Variants in NF1 observed in about 807,000 individuals in gnomAD.
The protein encoded by NF1 is neurofibromin.
NF1 carries 122 observed loss-of-function variants against 325.7 expected under a neutral mutation model. That is an observed-to-expected ratio of 0.37 (90% confidence interval 0.32 to 0.44). NF1 has a LOEUF of 0.44. Ranked by LOEUF, NF1 falls within the 20% of genes least tolerant of loss-of-function variation. NF1 has a pLI of 1.00. For missense variants in NF1, 2,140 were observed against 3,415.4 expected (o/e 0.63, Z 9.31); for synonymous variants, 1,091 against 1,186.0 (o/e 0.92, Z 1.65).
chr17:31,283,008 A>G (rs1410053418), intron 36 of NF1, among the ~76,000 whole-genome samples: 1 of 152,204 alleles, frequency 6.6e-6, no homozygotes, highest in African/African-American at 2.4e-5. Flanking sequence ...TTTAACAATG[A>G]CCATCTTGGA....
intron 30 of NF1, among the ~76,000 whole-genome samples, chr17:31,249,606 A>G (rs1024102826): frequency 2.6e-5 from 4 of 152,340 alleles, no homozygotes; most frequent in East Asian, 1.9e-4. Flanking sequence ...TACTTTATGT[A>G]GCATATTTCT....
At chr17:31,319,218 A>G (rs989319087) in intron 36 of NF1, among the ~76,000 whole-genome samples, 2 of 152,228 alleles carry the variant, frequency 1.3e-5, no homozygotes, top group African/African-American at 4.8e-5. Flanking sequence ...TTTAATTTCT[A>G]TTAACACTTT....
rs750256395 is a variant in NF1 at position 31,356,912 on chromosome 17, A to G, written c.7739-48A>G. 5.0e-6 allele frequency: 8 copies of G among 1,610,698 alleles called. No homozygotes were observed. The Admixed American group carries it at 8.3e-5, about 17-fold the overall frequency. ...AAGTAACATTGAAATAGTTAGGTGA[A>G]GTGATTATCCAGGTGTTTGATCACG... is the stretch of plus-strand genomic sequence containing the variant. On this transcript the variant is annotated intron_variant, in intron 52 of 57. Transcript: ENST00000358273.
At position 31,377,522 on chromosome 17, in the gene NF1, A is replaced by G. The variant is rs1597885275; in HGVS notation, c.*3367A>G. 1 of 232,856 alleles carries G rather than the reference A, an allele frequency of 4.3e-6. No homozygotes were observed. Among genetic ancestry groups the G allele is most frequent in the Non-Finnish European group, 8.5e-6 (1 of 117,602 alleles). The allele number at this position is 232,856 out of a possible 1,614,324, so 14.4% of individuals were successfully genotyped here. ...GTAAACAGTTGTACGCCAGCAGGAA[A>G]AATACTGCCCAACAGACAAAATCGA... On this transcript the variant is annotated 3_prime_UTR_variant, in exon 58 of 58. Coordinates refer to ENST00000358273, the MANE Select transcript of NF1 (RefSeq NM_001042492.3).
rs754165411 is a variant in NF1 at position 31,181,695 on chromosome 17, G to C, written c.655-15G>C. 6.3e-7 allele frequency: 1 copy of C among 1,578,920 alleles called. No individual in the cohort carries two copies. The highest frequency in any genetic ancestry group is 2.2e-5 in the East Asian group (1 of 44,622). ...CAAAAAATCACTGTAAAGACATGTG[G>C]TTCTTTATTTATAGGCATTTTGGAA... On this transcript the variant is annotated splice_polypyrimidine_tract_variant and intron_variant, in intron 6 of 57. Transcript: ENST00000358273.
chr17:31,197,474 T>G (rs2066455368), intron 8 of NF1, among the ~76,000 whole-genome samples: 1 of 152,062 alleles, frequency 6.6e-6, no homozygotes, highest in Non-Finnish European at 1.5e-5. Context: ...TCCATTTATT[T>G]ATGTTTAATT....
At position 31,271,372 on chromosome 17, in the gene NF1, T is replaced by TC. The variant is rs149986242; in HGVS notation, c.4835+6034dup. ...AAATGACATATTACTATTAACACAT[T>TC]CATGAAATATGTTAATACAGATGAA... On this transcript the variant is annotated intron_variant, in intron 36 of 57. Coordinates refer to ENST00000358273, the MANE Select transcript of NF1 (RefSeq NM_001042492.3). 6.6e-5 allele frequency among the ~76,000 whole-genome samples: 10 copies of TC among 151,838 alleles called. No homozygotes were observed. The East Asian group carries it at 7.7e-4, about 12-fold the overall frequency.
At chr17:31,346,134 G>T in intron 48 of NF1, 1 of 1,611,162 alleles carries the variant, frequency 6.2e-7, no homozygotes, top group Non-Finnish European at 8.5e-7. Flanking sequence ...CTGGCCCTAC[G>T]TTTACACACT....
chr17:31,233,537 C>T lies in NF1; in HGVS notation c.3708+324C>T, dbSNP rs117897075. Among the ~76,000 whole-genome samples the T allele has an allele frequency of 8.5e-4, 129 of 152,260 alleles. 3 individuals are homozygous for T. The East Asian group carries it at 0.023, about 27-fold the overall frequency. ...GTTGTTGCAATGCTGGAATTGGAAT[C>T]CACGATTTGTGCCTGTTTACTACCT... On this transcript the variant is annotated intron_variant, in intron 27 of 57. Transcript: ENST00000358273.
chr17:31,258,558 G>C (rs1230054307), intron 32 of NF1, 56 bp downstream of exon 32: 4 of 1,573,608 alleles, frequency 2.5e-6, no homozygotes, highest in East Asian at 4.5e-5. Context: ...TAAATTTTCA[G>C]CTTTTCTTAC....
At chr17:31,126,502 A>G (rs756952253) in intron 1 of NF1, among the ~76,000 whole-genome samples, 3 of 152,128 alleles carry the variant, frequency 2.0e-5, no homozygotes, top group Admixed American at 6.5e-5. Context: ...CTAAAGTGCA[A>G]TGGTGCAATC....
rs1419755895 is a variant in NF1 at position 31,197,325 on chromosome 17, C to T, written c.889-3097C>T. On this transcript the variant is annotated intron_variant, in intron 8 of 57. Coordinates refer to ENST00000358273, the MANE Select transcript of NF1 (RefSeq NM_001042492.3). The stretch of plus-strand genomic sequence containing the variant: ...CCTCCCAAAGTGCTGGGATTACAGG[C>T]GTGAGCCACCGCGCCTGGCTTTTTT... Among the ~76,000 whole-genome samples the T allele has an allele frequency of 3.5e-5, 5 of 143,814 alleles. No homozygotes were observed. The East Asian group carries it at 8.4e-4, about 24-fold the overall frequency. The allele number at this position is 143,814 out of a possible 152,430, so 94.3% of individuals were successfully genotyped here. A position where few individuals can be genotyped will look rare whatever the true frequency, so the allele number is the denominator to read the frequency against.
At chr17:31,363,460 CAG>C (rs2070443653) in intron 57 of NF1, among the ~76,000 whole-genome samples, 1 of 124,150 alleles carries the variant, frequency 8.1e-6, no homozygotes, top group South Asian at 2.7e-4. Flanking sequence ...TTTTTTGAGA[CAG>C]AGTCTCGCTC....
At chr17:31,221,143 T>C (rs757344050) in intron 14 of NF1, among the ~76,000 whole-genome samples, 5 of 151,938 alleles carry the variant, frequency 3.3e-5, no homozygotes, top group Non-Finnish European at 7.4e-5. Context: ...AGAATTGGAG[T>C]TGAGATAAGA....
rs1027992923 is a variant in NF1 at position 31,118,402 on chromosome 17, G to A, written c.60+23033G>A. Among the ~76,000 whole-genome samples, 13 of 151,526 alleles carry A rather than the reference G, an allele frequency of 8.6e-5. 1 individual carries two copies. The highest frequency in any genetic ancestry group is 2.7e-4 in the African/African-American group (11 of 41,194). ...GGTTTGCTGCACCCATCAACCTGTC[G>A]TCTACCTTAGGTATTTCTCCTAATG... is the stretch of plus-strand genomic sequence containing the variant. On this transcript the variant is annotated intron_variant, in intron 1 of 57. Transcript: ENST00000358273.
chr17:31,198,091 T>C (rs2066466293), intron 8 of NF1, among the ~76,000 whole-genome samples: 1 of 152,208 alleles, frequency 6.6e-6, no homozygotes, highest in South Asian at 2.1e-4. Context: ...ATTAATGTGG[T>C]ATATTACATT....
rs866162119 is a variant in NF1 at position 31,217,319 on chromosome 17, T to C, written c.1528-1686T>C. On this transcript the variant is annotated intron_variant, in intron 13 of 57. Transcript: ENST00000358273. ...GCATTGGCTTCATATATTCTTCTTTTTTTTTTTTCTGAGACAGAGTCTCAC... is the reference window on the plus strand; with the variant it reads ...GCATTGGCTTCATATATTCTTCTTTCTTTTTTTTCTGAGACAGAGTCTCAC... 2.0e-5 allele frequency among the ~76,000 whole-genome samples: 3 copies of C among 152,114 alleles called. 1 individual carries two copies. In the Middle Eastern group the frequency reaches 0.01, roughly 517 times the overall value.
intron 1 of NF1, among the ~76,000 whole-genome samples, chr17:31,141,368 A>C (rs1403763639): frequency 2.1e-4 from 32 of 151,706 alleles, no homozygotes; most frequent in Admixed American, 1.3e-4. Flanking sequence ...TTCAGATGAG[A>C]GACATCTATG....
intron 36 of NF1, chr17:31,295,397 G>A (rs2151499040): frequency 4.3e-6 from 7 of 1,614,096 alleles, no homozygotes; most frequent in Non-Finnish European, 5.9e-6. Flanking sequence ...ACCAAACGTT[G>A]TTTCCTTTGT....
Sources: gnomAD v4.1 joint callset for allele counts (sites outside exome capture counted in the v4.1 genomes callset) on GRCh38, gnomAD v4.1.1 for gene constraint, MANE v1.5 for transcripts, NCBI Gene and HGNC (gene_info 2026-07-23, HGNC 2026-07-21) for gene names.